SERINC5: variants seen among roughly 807,000 people sequenced by gnomAD.
SERINC5 encodes chromosome 5 open reading frame 12.
In SERINC5, 41 loss-of-function variants were observed where a neutral mutation model predicts 63.1. The ratio of observed to expected loss-of-function variants is 0.65; its 90% CI spans 0.51 to 0.84. The LOEUF is 0.84. Ranked by LOEUF, SERINC5 falls within the 40% of genes least tolerant of loss-of-function variation. The pLI, the probability that SERINC5 is intolerant of heterozygous loss-of-function variation, is 0.00. For synonymous variants in SERINC5, 222 were observed against 215.2 expected (o/e 1.03, Z -0.28); for missense variants, 523 against 573.0 (o/e 0.91, Z 0.89).
chr5:80,232,101 T>TAA (rs34890012), intron 1 of SERINC5, among the ~76,000 whole-genome samples: 50 of 119,478 alleles, frequency 4.2e-4, no homozygotes, highest in African/African-American at 1.5e-3. Context: ...GATTCTGTCT[T>TAA]AAAAAAAAAA....
intron 6 of SERINC5, chr5:80,167,203 T>G (rs1189243726): frequency 6.6e-6 from 1 of 152,190 alleles, no homozygotes; most frequent in Non-Finnish European, 1.5e-5. Flanking sequence ...TAGTACCCAT[T>G]AGTTATCTTT....
chr5:80,231,927 C>T (rs552008640), intron 1 of SERINC5, among the ~76,000 whole-genome samples: 2 of 151,332 alleles, frequency 1.3e-5, no homozygotes, highest in South Asian at 4.2e-4. Flanking sequence ...ATAGTGAGAT[C>T]CCATCTCTAT....
intron 1 of SERINC5, among the ~76,000 whole-genome samples, chr5:80,220,991 G>A (rs1363697931): frequency 6.6e-6 from 1 of 152,082 alleles, no homozygotes; most frequent in Non-Finnish European, 1.5e-5. Flanking sequence ...CAAGAGTGGA[G>A]GAAGCCCCCC....
chr5:80,188,282 C>CAAAAAAAAAAAAAAAAAAAAAAACAAAAA (rs34863168), intron 2 of SERINC5, among the ~76,000 whole-genome samples: 1 of 82,794 alleles, frequency 1.2e-5, no homozygotes, highest in Non-Finnish European at 2.4e-5. Flanking sequence ...GACTCCGTCT[C>CAAAAAAAAAAAAAAAAAAAAAAACAAAAA]AAAAAAAAAA....
In SERINC5 at chr5:80,117,059, G is replaced by A. The variant is rs192751956; in HGVS notation, c.1239-3434C>T. Among the ~76,000 whole-genome samples, 238 of 152,028 alleles carry A rather than the reference G, an allele frequency of 1.6e-3. 3 individuals are homozygous for A. Among genetic ancestry groups the A allele is most frequent in the African/African-American group, 5.3e-3 (218 of 41,378 alleles). On this transcript the variant is annotated intron_variant, in intron 11 of 12. Coordinates refer to the SERINC5 transcript ENST00000509193. ...TTGGCCAGGCTGGTCTCAAACTCCC[G>A]ATCTCAGGCGATCCGCCCGCCTCAG...
At chr5:80,164,100 G>T (rs917759403) in intron 7 of SERINC5, among the ~76,000 whole-genome samples, 2 of 152,046 alleles carry the variant, frequency 1.3e-5, no homozygotes, top group Non-Finnish European at 2.9e-5. Context: ...TTCCAGAAAT[G>T]TATCCATTTC....
At chr5:80,235,057 T>A (rs6876065) in intron 1 of SERINC5, among the ~76,000 whole-genome samples, 25,432 of 152,122 alleles carry the variant, frequency 0.17, 2,279 homozygotes, top group Admixed American at 0.2. Flanking sequence ...CAGCACTGAA[T>A]CGCTATACCC....
intron 1 of SERINC5, among the ~76,000 whole-genome samples, chr5:80,229,285 A>C (rs7708744): frequency 6.6e-6 from 1 of 150,684 alleles, no homozygotes. Flanking sequence ...TGGTCTCCCA[A>C]AGTGCTGGGA....
chr5:80,182,302 C>A (rs947197787), intron 2 of SERINC5, among the ~76,000 whole-genome samples: 1 of 152,138 alleles, frequency 6.6e-6, no homozygotes, highest in African/African-American at 2.4e-5. Context: ...TTCTTCTTTG[C>A]GTATTTCAAG....
intron 12 of SERINC5, among the ~76,000 whole-genome samples, chr5:80,112,921 A>G (rs1410761754): frequency 2.0e-5 from 3 of 152,162 alleles, no homozygotes; most frequent in African/African-American, 7.2e-5. Flanking sequence ...CTGTGATCGC[A>G]CCACTGCACT....
At chr5:80,173,397 C>T (rs891862520) in intron 5 of SERINC5, among the ~76,000 whole-genome samples, 8 of 152,160 alleles carry the variant, frequency 5.3e-5, no homozygotes, top group South Asian at 2.1e-4. Flanking sequence ...AGATCGAGAC[C>T]ATCCTGGCTA....
intron 7 of SERINC5, among the ~76,000 whole-genome samples, chr5:80,161,069 A>T (rs546938851): frequency 2.7e-5 from 4 of 146,428 alleles, no homozygotes; most frequent in Middle Eastern, 3.5e-3. Flanking sequence ...TATATATATA[A>T]AAATCACATT....
intron 1 of SERINC5, among the ~76,000 whole-genome samples, chr5:80,226,691 T>G (rs912451964): frequency 6.6e-6 from 1 of 152,202 alleles, no homozygotes; most frequent in Non-Finnish European, 1.5e-5. Flanking sequence ...AAGCCATTCT[T>G]CATTCTTCTT....
intron 1 of SERINC5, among the ~76,000 whole-genome samples, chr5:80,205,633 T>A (rs1750117491): frequency 6.6e-6 from 1 of 152,184 alleles, no homozygotes; most frequent in South Asian, 2.1e-4. Context: ...AGCATACACA[T>A]CTTTTCTTTG....
intron 1 of SERINC5, among the ~76,000 whole-genome samples, chr5:80,254,734 T>C (rs1752573915): frequency 6.6e-6 from 1 of 152,136 alleles, no homozygotes; most frequent in African/African-American, 2.4e-5. Flanking sequence ...AATCATTTCG[T>C]CTCAGTCGTC....
chr5:80,183,799 ACT>A (rs1227714583), intron 2 of SERINC5, among the ~76,000 whole-genome samples: 2 of 151,370 alleles, frequency 1.3e-5, no homozygotes, highest in Non-Finnish European at 2.9e-5. Context: ...CCCTTCGCTG[ACT>A]CTCTTTTCGG....
At chr5:80,254,649 C>A (rs1752568913) in intron 1 of SERINC5, among the ~76,000 whole-genome samples, 1 of 152,164 alleles carries the variant, frequency 6.6e-6, no homozygotes, top group South Asian at 2.1e-4. Context: ...TCCTGGTCCA[C>A]CTTGTTCTCA....
intron 11 of SERINC5, among the ~76,000 whole-genome samples, chr5:80,115,199 G>C (rs1431046081): frequency 6.6e-6 from 1 of 151,976 alleles, no homozygotes; most frequent in Non-Finnish European, 1.5e-5. Context: ...AATGGGTGGG[G>C]AGAAATAAAG....
intron 11 of SERINC5, 38 bp downstream of exon 11, chr5:80,146,052 C>T: frequency 6.2e-7 from 1 of 1,608,116 alleles, no homozygotes; most frequent in Non-Finnish European, 8.5e-7. Flanking sequence ...AACTTTAAGG[C>T]TTTGCTTCAA....
Sources: gnomAD v4.1 joint callset for allele counts (sites outside exome capture counted in the v4.1 genomes callset) on GRCh38, gnomAD v4.1.1 for gene constraint, MANE v1.5 for transcripts, NCBI Gene and HGNC (gene_info 2026-07-23, HGNC 2026-07-21) for gene names.